Variants in CLUAP1 observed in about 807,000 individuals in gnomAD.
CLUAP1 encodes the protein clusterin-associated protein 1.
In CLUAP1, 50 loss-of-function variants were observed where a neutral mutation model predicts 55.0. The observed-to-expected ratio is 0.91, with a 90% confidence interval of 0.72 to 1.15. The LOEUF (loss-of-function observed/expected upper bound fraction) is 1.15. Among genes scored for constraint, CLUAP1 ranks in the 50% most tolerant of loss-of-function variants. The pLI, the probability that CLUAP1 is intolerant of heterozygous loss-of-function variation, is 0.00. For missense variants in CLUAP1, 530 were observed against 507.6 expected (o/e 1.04, Z -0.42); for synonymous variants, 195 against 175.4 (o/e 1.11, Z -0.88).
chr16:3,527,804 CTCTG>C (rs1171943633), intron 9 of CLUAP1, among the ~76,000 whole-genome samples: 1 of 152,124 alleles, frequency 6.6e-6, no homozygotes, highest in African/African-American at 2.4e-5. Flanking sequence ...TCTCTCTCCT[CTCTG>C]TCTCTCTGCC....
chr16:3,495,448 A>C, the CLUAP1 span: 1 of 1,606,578 alleles, frequency 6.2e-7, no homozygotes, highest in South Asian at 1.1e-5. Flanking sequence ...GGGGAGGAGC[A>C]ACCAGGACTT....
chr16:3,527,335 A>G (rs1299312737), intron 9 of CLUAP1, among the ~76,000 whole-genome samples: 1 of 152,168 alleles, frequency 6.6e-6, no homozygotes, highest in East Asian at 1.9e-4. Context: ...ATACAGATAT[A>G]GGAGCTGAGG....
In CLUAP1 at chr16:3,529,465, A is replaced by ATATATTATATTATATATTATATAAT. The variant is rs1567439300; in HGVS notation, c.929-1085_929-1061dup. 3.0e-4 allele frequency among the ~76,000 whole-genome samples: 22 copies of ATATATTATATTATATATTATATAAT among 73,732 alleles called. 1 individual carries two copies. Among genetic ancestry groups the ATATATTATATTATATATTATATAAT allele is most frequent in the Middle Eastern group, 5.0e-3 (1 of 202 alleles). The allele number at this position is 73,732 out of a possible 152,430, so 48.4% of individuals were successfully genotyped here. On this transcript the variant is annotated intron_variant, in intron 9 of 11. Coordinates refer to ENST00000576634, the MANE Select transcript of CLUAP1 (RefSeq NM_015041.3). ...TATATTATATATTATTATATATAAT[A>ATATATTATATTATATATTATATAAT]TATATTATATTATATATTATATAAT...
chr16:3,522,962 G>A (rs2037869437), intron 7 of CLUAP1, among the ~76,000 whole-genome samples, 196 bp from the exon 8 acceptor site: 1 of 151,992 alleles, frequency 6.6e-6, no homozygotes. Context: ...TCTTATTTAT[G>A]ATGAAAAAGA....
chr16:3,507,680 T>G lies in CLUAP1; in HGVS notation c.220-609T>G, dbSNP rs201643243. On this transcript the variant is annotated intron_variant, in intron 3 of 11. Coordinates refer to ENST00000576634, the MANE Select transcript of CLUAP1 (RefSeq NM_015041.3). Reference sequence around the variant, plus strand: ...CACTATTTTAAATCTCTTCCAGAGTTTGTGTGTGTGTGTGTGTGTGTGTGT... The same window carrying G: ...CACTATTTTAAATCTCTTCCAGAGTGTGTGTGTGTGTGTGTGTGTGTGTGT... Among the ~76,000 whole-genome samples, 5 of 143,084 alleles carry G rather than the reference T, an allele frequency of 3.5e-5. No individual in the cohort carries two copies. In the East Asian group the frequency reaches 6.1e-4, roughly 17 times the overall value. 93.9% of individuals were successfully genotyped at this position (143,084 alleles called of 152,430 possible).
At chr16:3,526,023 A>G (rs2037934267) in intron 8 of CLUAP1, among the ~76,000 whole-genome samples, 1 of 152,152 alleles carries the variant, frequency 6.6e-6, no homozygotes, top group African/African-American at 2.4e-5. Context: ...GATAAAATCT[A>G]TACTTTCTTC....
intron 7 of CLUAP1, among the ~76,000 whole-genome samples, chr16:3,520,279 G>C (rs2037809031): frequency 6.6e-6 from 1 of 152,042 alleles, no homozygotes. Flanking sequence ...GGCTGAGGCG[G>C]GAGGATTGCT....
intron 5 of CLUAP1, among the ~76,000 whole-genome samples, chr16:3,513,218 G>A (rs904767254): frequency 6.6e-6 from 1 of 152,218 alleles, no homozygotes; most frequent in African/African-American, 2.4e-5. Flanking sequence ...TGGGGTCCTT[G>A]TTATGGAATG....
rs1233730315 is a variant in CLUAP1, at chr16:3,538,796, A to C, written c.*2525A>C. 1 of 152,214 alleles carries C rather than the reference A, an allele frequency of 6.6e-6. No individual in the cohort carries two copies. The highest frequency in any genetic ancestry group is 1.5e-5 in the Non-Finnish European group (1 of 68,048). 9.4% of individuals were successfully genotyped at this position (152,214 alleles called of 1,614,324 possible). A position where few individuals can be genotyped will look rare whatever the true frequency, so the allele number is the denominator to read the frequency against. ...TCTATCATTTTTATTAAAGTATTTC[A>C]GTCAATAGTGACCCATTGTAGAATG... is the stretch of plus-strand genomic sequence containing the variant. On this transcript the variant is annotated 3_prime_UTR_variant, in exon 12 of 12. Coordinates refer to ENST00000576634, the MANE Select transcript of CLUAP1 (RefSeq NM_015041.3).
chr16:3,507,534 C>T (rs2037531241), intron 3 of CLUAP1, among the ~76,000 whole-genome samples: 1 of 148,454 alleles, frequency 6.7e-6, no homozygotes, highest in Non-Finnish European at 1.5e-5. Context: ...CACTCCAGCC[C>T]AGGTGACAGA....
chr16:3,533,006 G>A (rs1238398376), intron 11 of CLUAP1, 165 bp downstream of exon 11: 53 of 1,371,132 alleles, frequency 3.9e-5, no homozygotes, highest in Non-Finnish European at 4.7e-5. Context: ...TGGACTCTTC[G>A]TTGCTCGTGG....
At chr16:3,496,326 C>A, upstream of CLUAP1, 2 of 1,140,222 alleles carry the variant, frequency 1.8e-6, no homozygotes, top group South Asian at 2.4e-5. Context: ...CGAACTAACT[C>A]CACATTCAAC....
chr16:3,532,019 A>G (rs1269853738), intron 10 of CLUAP1, among the ~76,000 whole-genome samples: 4 of 152,034 alleles, frequency 2.6e-5, no homozygotes, highest in African/African-American at 9.7e-5. Flanking sequence ...TTGTATTTTT[A>G]GTAGAGACGG....
intron 9 of CLUAP1, among the ~76,000 whole-genome samples, chr16:3,528,011 G>A (rs2037980922): frequency 6.6e-6 from 1 of 152,318 alleles, no homozygotes. Context: ...AAGCCCGGCT[G>A]TCTTTTCTTT....
chr16:3,523,832 C>T (rs1396109231), intron 8 of CLUAP1, among the ~76,000 whole-genome samples: 2 of 151,912 alleles, frequency 1.3e-5, no homozygotes, highest in Non-Finnish European at 2.9e-5. Flanking sequence ...CGGGTGTGGT[C>T]GTACACACCT....
At chr16:3,529,446 ATATATTATTATATATAATATATAT>A in intron 9 of CLUAP1, among the ~76,000 whole-genome samples, 1 of 73,080 alleles carries the variant, frequency 1.4e-5, no homozygotes, top group Admixed American at 2.6e-4. Flanking sequence ...ATATTATATT[ATATATTATTATATATAATATATAT>A]TATATTATAT....
At chr16:3,522,168 T>G (rs905055699) in intron 7 of CLUAP1, among the ~76,000 whole-genome samples, 1 of 152,112 alleles carries the variant, frequency 6.6e-6, no homozygotes, top group Non-Finnish European at 1.5e-5. Flanking sequence ...ATTATTATTA[T>G]TATTATTTCT....
At chr16:3,500,579 C>G (rs962442654), upstream of CLUAP1, among the ~76,000 whole-genome samples, 1 of 152,140 alleles carries the variant, frequency 6.6e-6, no homozygotes, top group Non-Finnish European at 1.5e-5. Context: ...CCATGTTGGC[C>G]AGGCTGGTCT....
In CLUAP1 at chr16:3,530,686, G is replaced by A. The variant is rs759563087; in HGVS notation, c.1036+11G>A. 1.4e-5 allele frequency: 23 copies of A among 1,607,406 alleles called. No homozygotes were observed. Among genetic ancestry groups the A allele is most frequent in the Middle Eastern group, 1.7e-4 (1 of 6,032 alleles). On this transcript the variant is annotated intron_variant, in intron 10 of 11. Transcript: ENST00000576634. Reference sequence around the variant, plus strand: ...AGATGCTCATGCAAGGTACCCCGGCGTCTTTCGCTGGACTTCCTCCCTGCG... The same window carrying A: ...AGATGCTCATGCAAGGTACCCCGGCATCTTTCGCTGGACTTCCTCCCTGCG...
Sources: gnomAD v4.1 joint callset for allele counts (sites outside exome capture counted in the v4.1 genomes callset) on GRCh38, gnomAD v4.1.1 for gene constraint, MANE v1.5 for transcripts, NCBI Gene and HGNC (gene_info 2026-07-23, HGNC 2026-07-21) for gene names.